The following AP2A2 variants were observed in gnomAD, a reference collection of about 807,000 sequenced individuals.
AP2A2 encodes the protein AP-2 complex subunit alpha-2.
Under a neutral mutation model 104.2 loss-of-function variants are expected in AP2A2, and 32 were observed. The ratio of observed to expected loss-of-function variants is 0.31; its 90% CI spans 0.23 to 0.41. The LOEUF (loss-of-function observed/expected upper bound fraction) is 0.41. Ranked by LOEUF, AP2A2 falls within the 10% of genes least tolerant of loss-of-function variation. The probability of loss-of-function intolerance (pLI) is 1.00; values close to 1 mark genes in which losing one functional copy is unlikely to be tolerated. For synonymous variants in AP2A2, 539 were observed against 533.3 expected, an observed-to-expected ratio of 1.01 and a Z score of -0.15; for missense variants, 912 against 1,261.0, an observed-to-expected ratio of 0.72 and a Z score of 4.19.
intron 1 of AP2A2, among the ~76,000 whole-genome samples, chr11:952,536 G>A (rs1024724330): frequency 1.3e-5 from 2 of 152,202 alleles, no homozygotes; most frequent in African/African-American, 4.8e-5. Context: ...AGCCACCAGA[G>A]CTCCTAAGTT....
chr11:986,953 G>A lies in AP2A2; in HGVS notation c.1131G>A (p.Lys377=). 6.3e-7 allele frequency: 1 copy of A among 1,575,904 alleles called. No individual in the cohort carries two copies. The highest frequency in any genetic ancestry group is 8.6e-7 in the Non-Finnish European group (1 of 1,161,132). ...THIETVINAL[K]TERDVSVRQR... is the part of the protein sequence containing the mutation. ...TCGAGACGGTCATCAACGCCCTGAA[G>A]GCGAGTGCCCTGTCCTTGGGTTCTG... is the stretch of plus-strand genomic sequence containing the variant. The change falls in exon 9 of 22, where the codon AAG becomes AAA. Residue 377 remains lysine (K), a splice_region_variant and synonymous_variant. Transcript: ENST00000448903.
intron 2 of AP2A2, among the ~76,000 whole-genome samples, chr11:969,153 G>A (rs1854728919): frequency 6.6e-6 from 1 of 151,538 alleles, no homozygotes; most frequent in South Asian, 2.1e-4. Flanking sequence ...CCTGCTGGAG[G>A]CTGGCTCTGA....
intron 1 of AP2A2, among the ~76,000 whole-genome samples, chr11:936,252 G>A (rs1166826649): frequency 4.7e-5 from 6 of 128,634 alleles, no homozygotes; most frequent in South Asian, 2.6e-4. Flanking sequence ...TCTTGCTGTC[G>A]CCCAGGCTGG....
At chr11:977,245 T>G in intron 5 of AP2A2, 21 bp downstream of exon 5, 1 of 1,562,432 alleles carries the variant, frequency 6.4e-7, no homozygotes, top group South Asian at 1.2e-5. Flanking sequence ...TTGGCTTTGG[T>G]TCTCCCCGCT....
At chr11:966,747 T>C (rs796925296) in intron 2 of AP2A2, among the ~76,000 whole-genome samples, 4 of 152,282 alleles carry the variant, frequency 2.6e-5, no homozygotes, top group African/African-American at 9.6e-5. Flanking sequence ...CTCTGGCTGG[T>C]GACCAGATGG....
intron 16 of AP2A2, among the ~76,000 whole-genome samples, chr11:1,004,139 A>G (rs924222325): frequency 5.9e-5 from 9 of 152,158 alleles, no homozygotes; most frequent in East Asian, 3.8e-4. Flanking sequence ...AATCAAAACC[A>G]CAGTGAGCTA....
At chr11:963,246 T>C (rs1399359937) in intron 2 of AP2A2, among the ~76,000 whole-genome samples, 1 of 151,722 alleles carries the variant, frequency 6.6e-6, no homozygotes. Flanking sequence ...ACCAACATGG[T>C]GAAACCCCGT....
At chr11:951,582 C>T (rs1427822821) in intron 1 of AP2A2, among the ~76,000 whole-genome samples, 1 of 152,052 alleles carries the variant, frequency 6.6e-6, no homozygotes, top group Non-Finnish European at 1.5e-5. Flanking sequence ...AGTAGCTTCT[C>T]GTGGCTGGAC....
chr11:990,913 C>A (rs1296240522), intron 10 of AP2A2, among the ~76,000 whole-genome samples: 1 of 143,558 alleles, frequency 7.0e-6, no homozygotes, highest in African/African-American at 2.6e-5. Context: ...GCATGGTGCT[C>A]CCCCCACCCC....
rs7932424 is a variant in AP2A2 at position 937,740 on chromosome 11, G to A, written c.67+11652G>A. ...TGAAAGTGGAAAACAAGGTGATTGG[G>A]CACTTGATGTACGATTTCTACTGAG... is the stretch of plus-strand genomic sequence containing the variant. On this transcript the variant is annotated intron_variant, in intron 1 of 21. Coordinates refer to ENST00000448903, the MANE Select transcript of AP2A2 (RefSeq NM_012305.4). Among the ~76,000 whole-genome samples the A allele has an allele frequency of 8.3e-3, 1,263 of 152,336 alleles. 16 individuals are homozygous for A. Among genetic ancestry groups the A allele is most frequent in the African/African-American group, 0.029 (1,219 of 41,570 alleles).
Position 1,009,816 on chromosome 11 carries a change from A to AG in AP2A2, c.2742+1dup. 6.5e-7 allele frequency: 1 copy of AG among 1,541,832 alleles called. No homozygotes were observed. The highest frequency in any genetic ancestry group is 8.8e-7 in the Non-Finnish European group (1 of 1,138,962). Reference sequence around the variant, plus strand: ...CGCTTGGAGCCGAACCTGCAAGCCCAGGTCAGGCCCTCAGGAAATGGTGGA... The same window carrying AG: ...CGCTTGGAGCCGAACCTGCAAGCCCAGGGTCAGGCCCTCAGGAAATGGTGGA... On this transcript the variant is annotated frameshift_variant and splice_region_variant, in exon 21 of 22. Transcript: ENST00000448903. LOFTEE classifies it high-confidence loss of function.
chr11:994,599 G>A (rs562771926), intron 14 of AP2A2, among the ~76,000 whole-genome samples: 2 of 147,394 alleles, frequency 1.4e-5, no homozygotes, highest in Admixed American at 6.7e-5. Flanking sequence ...CCTGTCCCGG[G>A]GGCCACTGTC....
chr11:988,525 C>T (rs2133721610), intron 9 of AP2A2, 27 bp from the exon 10 acceptor site: 1 of 1,602,874 alleles, frequency 6.2e-7, no homozygotes, highest in Non-Finnish European at 8.5e-7. Context: ...GCTCCTGCGA[C>T]CTCTTACTCT....
Position 994,369 on chromosome 11 carries a change from C to G in AP2A2, c.1956+124C>G, listed in dbSNP as rs569199848. On this transcript the variant is annotated intron_variant, in intron 14 of 21. Coordinates refer to ENST00000448903, the MANE Select transcript of AP2A2 (RefSeq NM_012305.4). Reference sequence around the variant, plus strand: ...GAGAACCCAGGCTCTGGCTGTGGCTCTGGACACCCCGCTGTCCTGTCCTGG... The same window carrying G: ...GAGAACCCAGGCTCTGGCTGTGGCTGTGGACACCCCGCTGTCCTGTCCTGG... 3.7e-4 allele frequency: 466 copies of G among 1,245,506 alleles called. 5 individuals carry two copies. In the South Asian group the frequency reaches 6.4e-3, roughly 17 times the overall value. 77.2% of individuals were successfully genotyped at this position (1,245,506 alleles called of 1,614,324 possible).
At chr11:973,676 G>C (rs952382868) in intron 4 of AP2A2, among the ~76,000 whole-genome samples, 2 of 152,082 alleles carry the variant, frequency 1.3e-5, no homozygotes, top group African/African-American at 4.8e-5. Context: ...ATCACAGGGC[G>C]CTGGTGCAGG....
intron 15 of AP2A2, among the ~76,000 whole-genome samples, chr11:1,001,800 G>A (rs1238229179): frequency 6.6e-6 from 1 of 152,204 alleles, no homozygotes; most frequent in Non-Finnish European, 1.5e-5. Flanking sequence ...GTCTCCATAC[G>A]GCTGTGCTGG....
chr11:954,125 C>T (rs756015364), intron 1 of AP2A2, among the ~76,000 whole-genome samples: 78 of 152,332 alleles, frequency 5.1e-4, no homozygotes, highest in Non-Finnish European at 8.5e-4. Context: ...TGTGCCTGGC[C>T]TCTCTACCTT....
At chr11:956,240 G>A (rs1010686979) in intron 1 of AP2A2, among the ~76,000 whole-genome samples, 1 of 151,610 alleles carries the variant, frequency 6.6e-6, no homozygotes, top group African/African-American at 2.4e-5. Flanking sequence ...TCGCCTCACT[G>A]CAGCCTCTGC....
At chr11:945,053 G>A (rs753707018) in intron 1 of AP2A2, among the ~76,000 whole-genome samples, 1 of 152,116 alleles carries the variant, frequency 6.6e-6, no homozygotes, top group Non-Finnish European at 1.5e-5. Flanking sequence ...GGTCAGGCAT[G>A]GAATGCAGGG....
Sources: allele counts gnomAD v4.1 joint callset (sites outside exome capture counted in the v4.1 genomes callset), GRCh38; gene constraint gnomAD v4.1.1; transcripts MANE v1.5; gene names NCBI Gene and HGNC (gene_info 2026-07-23, HGNC 2026-07-21).